PLCB1: variants seen among roughly 807,000 people sequenced by gnomAD.
PLCB1 encodes the protein 1-phosphatidylinositol 4,5-bisphosphate phosphodiesterase beta-1.
A neutral mutation model predicts 161.8 loss-of-function variants in PLCB1; 46 were observed. The observed-to-expected ratio is 0.28, with a 90% CI of 0.22 to 0.36. The LOEUF is 0.36. Ranked by LOEUF, PLCB1 falls within the 10% of genes least tolerant of loss-of-function variation. The pLI, the probability that PLCB1 is intolerant of heterozygous loss-of-function variation, is 1.00. For missense variants in PLCB1, 1,016 were observed against 1,472.5 expected (o/e 0.69, Z 5.07); for synonymous variants, 517 against 503.7 (o/e 1.03, Z -0.35).
At chr20:8,378,390 C>T (rs1987159770) in intron 3 of PLCB1, among the ~76,000 whole-genome samples, 1 of 152,084 alleles carries the variant, frequency 6.6e-6, no homozygotes. Flanking sequence ...TTTTTGGTTT[C>T]CCACTGCATG....
At chr20:8,824,117 T>C (rs78593265) in intron 31 of PLCB1, among the ~76,000 whole-genome samples, 5,496 of 152,256 alleles carry the variant, frequency 0.036, 340 homozygotes, top group African/African-American at 0.12. Flanking sequence ...ACAAACAAAA[T>C]TGCGTTTTTT....
At chr20:8,316,007 C>G (rs188069407) in intron 2 of PLCB1, among the ~76,000 whole-genome samples, 3 of 152,304 alleles carry the variant, frequency 2.0e-5, no homozygotes, top group African/African-American at 4.8e-5. Context: ...TATTCAGCAA[C>G]ATTAATTTCT....
At chr20:8,646,002 C>T in intron 4 of PLCB1, 100 bp from the exon 5 acceptor site, 1 of 755,846 alleles carries the variant, frequency 1.3e-6, no homozygotes, top group Admixed American at 2.1e-5. Flanking sequence ...CTTTGGCATG[C>T]ACATTGAACT....
intron 23 of PLCB1, among the ~76,000 whole-genome samples, chr20:8,746,577 T>C (rs1458866791): frequency 6.6e-6 from 1 of 152,114 alleles, no homozygotes; most frequent in Non-Finnish European, 1.5e-5. Context: ...AACTCCCAGC[T>C]CAAGCAATCC....
chr20:8,641,128 T>C (rs1988942608), intron 4 of PLCB1, among the ~76,000 whole-genome samples: 1 of 152,176 alleles, frequency 6.6e-6, no homozygotes, highest in Non-Finnish European at 1.5e-5. Context: ...ATAGCCAACA[T>C]AGATGCCCAA....
At chr20:8,201,178 A>T in intron 2 of PLCB1, among the ~76,000 whole-genome samples, 1 of 152,026 alleles carries the variant, frequency 6.6e-6, no homozygotes, top group Non-Finnish European at 1.5e-5. Context: ...TAGTTATTTA[A>T]GCTTTGTTAT....
In PLCB1 at chr20:8,788,329, A is replaced by T. The variant is rs114955199; in HGVS notation, c.3112-120A>T. ...CCAATGTTAGATGTCTGACAACTTT[A>T]ACTATTGTGAAACATCCATCACAGA... On this transcript the variant is annotated intron_variant, in intron 27 of 31. Transcript: ENST00000338037. The T allele has an allele frequency of 5.9e-4, 506 of 863,560 alleles. 1 individual carries two copies. The African/African-American group carries it at 8.1e-3, about 14-fold the overall frequency. The allele number at this position is 863,560 out of a possible 1,614,324, so 53.5% of individuals were successfully genotyped here. A position where few individuals can be genotyped will look rare whatever the true frequency, so the allele number is the denominator to read the frequency against.
rs78934235 is a variant in PLCB1 at position 8,668,143 on chromosome 20, A to G, written c.862+9439A>G. Among the ~76,000 whole-genome samples, 5 of 145,452 alleles carry G rather than the reference A, an allele frequency of 3.4e-5. No homozygotes were observed. In the South Asian group the frequency reaches 6.5e-4, roughly 19 times the overall value. On this transcript the variant is annotated intron_variant, in intron 9 of 31. Transcript: ENST00000338037. Reference sequence around the variant, plus strand: ...TGGGAGGGAAATAGGTCGAATGCAGAAAAAAAAAAAGCAAACCACAGGGAA... The same window carrying G: ...TGGGAGGGAAATAGGTCGAATGCAGGAAAAAAAAAAGCAAACCACAGGGAA...
intron 31 of PLCB1, among the ~76,000 whole-genome samples, chr20:8,796,434 A>G (rs1984030464): frequency 6.6e-6 from 1 of 152,158 alleles, no homozygotes; most frequent in Admixed American, 6.5e-5. Context: ...TTTTAAAGTA[A>G]TGCATTTGTG....
At chr20:8,785,122 C>G (rs1313928449) in intron 27 of PLCB1, among the ~76,000 whole-genome samples, 2 of 151,972 alleles carry the variant, frequency 1.3e-5, no homozygotes, top group Non-Finnish European at 1.5e-5. Context: ...GGCCAACACC[C>G]AGAGTTATCT....
chr20:8,771,854 G>A lies in PLCB1; in HGVS notation c.2931-2685G>A, dbSNP rs541411665. ...TGAATGGATGGGCATTATGTACATT[G>A]AATTTGTTTCCTTCCTTCCTTCGTT... On this transcript the variant is annotated intron_variant, in intron 26 of 31. Coordinates refer to ENST00000338037, the MANE Select transcript of PLCB1 (RefSeq NM_015192.4). Among the ~76,000 whole-genome samples, 15 of 32,898 alleles carry A rather than the reference G, an allele frequency of 4.6e-4. No individual in the cohort carries two copies. The South Asian group carries it at 0.013, about 29-fold the overall frequency. 21.6% of individuals were successfully genotyped at this position (32,898 alleles called of 152,430 possible).
chr20:8,856,925 TG>T (rs928397549), intron 31 of PLCB1, among the ~76,000 whole-genome samples: 3 of 152,262 alleles, frequency 2.0e-5, no homozygotes, highest in African/African-American at 7.2e-5. Context: ...ATCCACAAGC[TG>T]GTGAGCTGGG....
intron 3 of PLCB1, among the ~76,000 whole-genome samples, chr20:8,410,381 A>G (rs1978989894): frequency 6.6e-6 from 1 of 152,212 alleles, no homozygotes; most frequent in South Asian, 2.1e-4. Context: ...TCCTATTAAG[A>G]GTACAAGAGA....
chr20:8,474,202 G>T (rs192477057), intron 3 of PLCB1, among the ~76,000 whole-genome samples: 73 of 152,228 alleles, frequency 4.8e-4, no homozygotes, highest in African/African-American at 1.6e-3. Flanking sequence ...ATATAGCCAT[G>T]AATAAAATGA....
chr20:8,507,811 GATAA>G (rs1295110635), intron 3 of PLCB1, among the ~76,000 whole-genome samples: 3 of 152,072 alleles, frequency 2.0e-5, no homozygotes, highest in Non-Finnish European at 4.4e-5. Context: ...ATTTTAACAA[GATAA>G]ATATAATACA....
At chr20:8,470,702 A>T (rs948321524) in intron 3 of PLCB1, among the ~76,000 whole-genome samples, 6 of 152,106 alleles carry the variant, frequency 3.9e-5, no homozygotes, top group Non-Finnish European at 8.8e-5. Context: ...CAAACTCTTT[A>T]GTTTTTTAGA....
chr20:8,727,461 G>GT, intron 17 of PLCB1, 68 bp downstream of exon 17: 1 of 897,752 alleles, frequency 1.1e-6, no homozygotes, highest in Admixed American at 2.1e-5. Flanking sequence ...TGTTCATTTG[G>GT]TTTTTTAATA....
intron 2 of PLCB1, among the ~76,000 whole-genome samples, chr20:8,324,702 T>C (rs1321722959): frequency 6.6e-6 from 1 of 152,216 alleles, no homozygotes; most frequent in Non-Finnish European, 1.5e-5. Context: ...TAAATAAAAG[T>C]GTAAGCTCTG....
intron 2 of PLCB1, among the ~76,000 whole-genome samples, chr20:8,192,553 G>A (rs578044982): frequency 1.3e-5 from 2 of 151,386 alleles, no homozygotes; most frequent in South Asian, 4.2e-4. Context: ...GCAACCTGAA[G>A]TCAGTTCTGG....
Sources: gnomAD v4.1 joint callset for allele counts (sites outside exome capture counted in the v4.1 genomes callset) on GRCh38, gnomAD v4.1.1 for gene constraint, MANE v1.5 for transcripts, NCBI Gene and HGNC (gene_info 2026-07-23, HGNC 2026-07-21) for gene names.